TP53BP1: variants seen among roughly 807,000 people sequenced by gnomAD.
The protein encoded by TP53BP1 is tumor protein p53 binding protein 1, also known as TP53-binding protein 1.
TP53BP1 carries 61 observed loss-of-function variants against 200.8 expected under a neutral mutation model. The ratio of observed to expected loss-of-function variants is 0.30; its 90% CI spans 0.25 to 0.38. The LOEUF is 0.38. Ranked by LOEUF, TP53BP1 falls within the 10% of genes least tolerant of loss-of-function variation. TP53BP1 has a pLI of 1.00. For missense variants in TP53BP1, 2,144 were observed against 2,371.9 expected (o/e 0.90, Z 2.00); for synonymous variants, 822 against 844.3 (o/e 0.97, Z 0.46).
chr15:43,470,138 G>A (rs1439888550), intron 10 of TP53BP1, 72 bp from the exon 11 acceptor site: 1 of 1,246,782 alleles, frequency 8.0e-7, no homozygotes, highest in Non-Finnish European at 1.2e-6. Context: ...AAACCACTAA[G>A]AACAATTACA....
intron 11 of TP53BP1, among the ~76,000 whole-genome samples, chr15:43,461,447 G>C (rs1234823834): frequency 2.0e-5 from 3 of 151,972 alleles, no homozygotes; most frequent in Non-Finnish European, 4.4e-5. Flanking sequence ...TGAACTCCTA[G>C]GTTCAAGCAA....
At position 43,413,103 on chromosome 15, in the gene TP53BP1, C is replaced by T; in HGVS notation, c.5305+16G>A. On this transcript the variant is annotated intron_variant, in intron 24 of 27. Coordinates refer to ENST00000382044, the MANE Select transcript of TP53BP1 (RefSeq NM_001141980.3). Reference sequence around the variant, plus strand: ...TGCCTATGTGTCAGAGCTCCCAGGGCTTCCTAAGGCCTTACCCTCCTCTTC... The same window carrying T: ...TGCCTATGTGTCAGAGCTCCCAGGGTTTCCTAAGGCCTTACCCTCCTCTTC... 3.7e-6 allele frequency: 6 copies of T among 1,613,590 alleles called. No homozygotes were observed. Among genetic ancestry groups the T allele is most frequent in the Non-Finnish European group, 4.2e-6 (5 of 1,179,644 alleles).
chr15:43,481,144 C>T (rs896624813), intron 4 of TP53BP1, 122 bp from the exon 5 acceptor site: 15 of 1,086,190 alleles, frequency 1.4e-5, no homozygotes, highest in Non-Finnish European at 2.0e-5. Flanking sequence ...TAAAATACCT[C>T]ACCTTTATAG....
intron 3 of TP53BP1, 123 bp from the exon 4 acceptor site, chr15:43,491,876 C>T: frequency 9.4e-7 from 1 of 1,064,482 alleles, no homozygotes; most frequent in South Asian, 1.3e-5. Context: ...TGAGTGACTA[C>T]TACGCAGATA....
Position 43,447,481 on chromosome 15 carries a change from G to C in TP53BP1, c.2721C>G (p.Thr907=). The C allele has an allele frequency of 7.1e-7, 1 of 1,405,870 alleles. No homozygotes were observed. The highest frequency in any genetic ancestry group is 9.4e-7 in the Non-Finnish European group (1 of 1,065,692). 87.1% of individuals were successfully genotyped at this position (1,405,870 alleles called of 1,614,324 possible). A position where few individuals can be genotyped will look rare whatever the true frequency, so the allele number is the denominator to read the frequency against. Residue 907 remains threonine, a synonymous_variant, in exon 13 of 28, where the codon ACC becomes ACG. Transcript: ENST00000382044. ...CTTTAGGCAAAGTGAAATGAAATGG[G>C]GTTTCTGAAAAAAAAAAAAAAAAGA... is the stretch of plus-strand genomic sequence containing the variant. ...SQSFCESSSE[T]PFHFTLPKEG...
chr15:43,444,389 G>A (rs570809812), intron 14 of TP53BP1, among the ~76,000 whole-genome samples: 8 of 152,272 alleles, frequency 5.3e-5, no homozygotes, highest in Middle Eastern at 3.4e-3. Flanking sequence ...TTATAGAAGC[G>A]CACCAACCAC....
At chr15:43,477,539 A>G in intron 8 of TP53BP1, 54 bp downstream of exon 8, 1 of 1,496,868 alleles carries the variant, frequency 6.7e-7, no homozygotes. Flanking sequence ...TCAGAACTAA[A>G]GTAAAAGTTT....
At chr15:43,455,813 T>G (rs2046279447) in intron 12 of TP53BP1, 79 bp downstream of exon 12, 4 of 1,511,960 alleles carry the variant, frequency 2.6e-6, no homozygotes, top group Non-Finnish European at 3.6e-6. Context: ...ACTCCTGACA[T>G]AAGCATGCAG....
chr15:43,432,481 G>A lies in TP53BP1; in HGVS notation c.3388C>T (p.Leu1130=), dbSNP rs756565042. 6.2e-7 allele frequency: 1 copy of A among 1,614,138 alleles called. No individual in the cohort carries two copies. Among genetic ancestry groups the A allele is most frequent in the Non-Finnish European group, 8.5e-7 (1 of 1,180,008 alleles). Residue 1130 remains leucine (L), a synonymous_variant, in exon 17 of 28, where the codon CTA becomes TTA. Transcript: ENST00000382044. ...PQGEAMVTDV[L]EDQKEGRSTN... ...CTCCGTCCTTCTTTCTGGTCTTCTA[G>A]CACATCTGTCACCATTGCCTCTCCT...
At chr15:43,414,756 A>C (rs1047345090) in intron 23 of TP53BP1, among the ~76,000 whole-genome samples, 1 of 151,624 alleles carries the variant, frequency 6.6e-6, no homozygotes, top group Non-Finnish European at 1.5e-5. Context: ...CCCAGGATGG[A>C]GTGCCGTGGC....
upstream of TP53BP1, chr15:43,493,224 T>C (rs1473776045): frequency 1.4e-6 from 2 of 1,464,466 alleles, no homozygotes; most frequent in Non-Finnish European, 1.8e-6. Flanking sequence ...ACTCAAGAAA[T>C]CCCGTGGATG....
chr15:43,409,876 G>A (rs2045058717), intron 24 of TP53BP1, 135 bp from the exon 25 acceptor site: 1 of 454,364 alleles, frequency 2.2e-6, no homozygotes, highest in African/African-American at 2.0e-5. Context: ...CAGGCCAAGG[G>A]CTTCCCCATG....
chr15:43,453,947 C>T (rs1182096120), intron 12 of TP53BP1, among the ~76,000 whole-genome samples: 2 of 151,986 alleles, frequency 1.3e-5, no homozygotes, highest in African/African-American at 4.8e-5. Context: ...GCGGCTCACG[C>T]CTGTAATCCC....
chr15:43,506,791 C>T (rs961808766), intron 1 of TP53BP1, among the ~76,000 whole-genome samples: 1 of 152,172 alleles, frequency 6.6e-6, no homozygotes, highest in African/African-American at 2.4e-5. Context: ...CCTAATAATC[C>T]CCTTGAGGCA....
intron 21 of TP53BP1, among the ~76,000 whole-genome samples, chr15:43,419,141 A>G (rs1171166102): frequency 6.6e-6 from 1 of 152,138 alleles, no homozygotes; most frequent in Non-Finnish European, 1.5e-5. Context: ...ACTCACTTGT[A>G]CCCGGAAGCT....
intron 18 of TP53BP1, among the ~76,000 whole-genome samples, chr15:43,426,514 A>G (rs1259047321): frequency 6.6e-6 from 1 of 152,006 alleles, no homozygotes; most frequent in Non-Finnish European, 1.5e-5. Context: ...AAATCTGAAT[A>G]ATCTGTGGAT....
chr15:43,428,185 A>G lies in TP53BP1; in HGVS notation c.3676-17T>C, dbSNP rs768873505. 5.6e-6 allele frequency: 9 copies of G among 1,612,118 alleles called. No homozygotes were observed. The highest frequency in any genetic ancestry group is 3.3e-5 in the Admixed American group (2 of 59,868). On this transcript the variant is annotated splice_polypyrimidine_tract_variant and intron_variant, in intron 17 of 27. Transcript: ENST00000382044. ...TTCTTCTCCCTGTGACAGAAAATAC[A>G]GAACATAAGCACAGGTCTCACTGCA...
rs543751630 is a variant in TP53BP1, at chr15:43,425,115, A to G, written c.3828+2901T>C. ...CAGCAAGAAGGCCCTCACCAGATGT[A>G]GCCCCTTGACCTTGGACTTCCCAGC... On this transcript the variant is annotated intron_variant, in intron 18 of 27. Transcript: ENST00000382044. Among the ~76,000 whole-genome samples, 211 of 152,270 alleles carry G rather than the reference A, an allele frequency of 1.4e-3. 1 individual carries two copies. Among genetic ancestry groups the G allele is most frequent in the South Asian group, 2.9e-3 (14 of 4,824 alleles).
rs970328502 is a variant in TP53BP1 at position 43,486,166 on chromosome 15, C to T, written c.372-5144G>A. ...CTGAGGGGGGTGGATCACCTGAGGT[C>T]GGGAGTTCAAGACCAGCCTGACGAA... is the stretch of plus-strand genomic sequence containing the variant. On this transcript the variant is annotated intron_variant, in intron 4 of 27. Coordinates refer to ENST00000382044, the MANE Select transcript of TP53BP1 (RefSeq NM_001141980.3). Among the ~76,000 whole-genome samples, 12 of 152,014 alleles carry T rather than the reference C, an allele frequency of 7.9e-5. 1 individual carries two copies. The East Asian group carries it at 1.2e-3, about 15-fold the overall frequency.
Sources: gnomAD v4.1 joint callset for allele counts (sites outside exome capture counted in the v4.1 genomes callset) on GRCh38, gnomAD v4.1.1 for gene constraint, MANE v1.5 for transcripts, NCBI Gene and HGNC (gene_info 2026-07-23, HGNC 2026-07-21) for gene names.